The following RBMS3 variants were observed in gnomAD, a reference collection of about 807,000 sequenced individuals.
RBMS3 encodes RNA-binding motif, single-stranded-interacting protein 3.
In RBMS3, 27 loss-of-function variants were observed where a neutral mutation model predicts 66.8. That is an observed-to-expected ratio of 0.40 (90% CI 0.30 to 0.56). The LOEUF is 0.56. Among genes scored for constraint, RBMS3 ranks in the 20% least tolerant of loss-of-function variants. The pLI is 0.40. For synonymous variants in RBMS3, 188 were observed against 183.0 expected (o/e 1.03, Z -0.22); for missense variants, 513 against 549.5 (o/e 0.93, Z 0.66).
At chr3:29,366,086 CCA>C (rs2037885196) in intron 1 of RBMS3, among the ~76,000 whole-genome samples, 1 of 152,150 alleles carries the variant, frequency 6.6e-6, no homozygotes, top group South Asian at 2.1e-4. Context: ...TAAAAATATT[CCA>C]CACTGTTGTA....
chr3:29,899,248 C>T (rs1235838972), intron 9 of RBMS3, among the ~76,000 whole-genome samples: 4 of 151,712 alleles, frequency 2.6e-5, no homozygotes, highest in Non-Finnish European at 5.9e-5. Context: ...GCTCTTACCA[C>T]AACTTTTACC....
chr3:29,293,530 A>C (rs1447970489), intron 1 of RBMS3, among the ~76,000 whole-genome samples: 4 of 151,762 alleles, frequency 2.6e-5, no homozygotes, highest in Non-Finnish European at 5.9e-5. Context: ...TCTAGATTTC[A>C]ACATGGCCCA....
intron 6 of RBMS3, among the ~76,000 whole-genome samples, chr3:29,860,904 C>T (rs1382443899): frequency 6.6e-6 from 1 of 152,192 alleles, no homozygotes; most frequent in African/African-American, 2.4e-5. Flanking sequence ...GAGCCTCGCT[C>T]TGTTGCCCAG....
At chr3:29,300,065 A>G (rs2033566944) in intron 1 of RBMS3, among the ~76,000 whole-genome samples, 1 of 152,002 alleles carries the variant, frequency 6.6e-6, no homozygotes. Flanking sequence ...AGCACTCAAA[A>G]ATATATGTCA....
intron 11 of RBMS3, 126 bp from the exon 12 acceptor site, chr3:29,944,081 C>G (rs1012310917): frequency 2.7e-6 from 2 of 732,166 alleles, no homozygotes; most frequent in Non-Finnish European, 4.7e-6. Context: ...GCCTTTACTG[C>G]TCTAAGGCAG....
chr3:29,299,837 T>G (rs926113274), intron 1 of RBMS3, among the ~76,000 whole-genome samples: 1 of 151,856 alleles, frequency 6.6e-6, no homozygotes, highest in Non-Finnish European at 1.5e-5. Context: ...GAGGGACAAC[T>G]GTACTTACAA....
At chr3:29,694,895 C>T (rs1227766187) in intron 4 of RBMS3, among the ~76,000 whole-genome samples, 1 of 151,776 alleles carries the variant, frequency 6.6e-6, no homozygotes, top group East Asian at 1.9e-4. Flanking sequence ...GTTTTATATT[C>T]ATGTAACAAT....
intron 1 of RBMS3, among the ~76,000 whole-genome samples, chr3:29,400,962 CA>C (rs1280748286): frequency 3.3e-5 from 5 of 151,956 alleles, no homozygotes; most frequent in African/African-American, 1.2e-4. Flanking sequence ...TAATTCATTG[CA>C]AAGTTGGAAA....
At chr3:29,696,969 C>T (rs1461609332) in intron 4 of RBMS3, 19 of 823,860 alleles carry the variant, frequency 2.3e-5, no homozygotes, top group Non-Finnish European at 2.8e-5. Context: ...TTTGTAGGTA[C>T]CCCTAGTAGT....
rs372512591 is a variant in RBMS3 at position 29,665,124 on chromosome 3, C to T, written c.400-74596C>T. 9.9e-5 allele frequency among the ~76,000 whole-genome samples: 15 copies of T among 152,156 alleles called. No homozygotes were observed. In the South Asian group the frequency reaches 2.5e-3, roughly 25 times the overall value. ...TGCTAGTAACCAGAATTAAGCATAT[C>T]CAGTCTTTTAGAAACCAATTCTTAC... On this transcript the variant is annotated intron_variant, in intron 4 of 14. Transcript: ENST00000383767.
At chr3:29,807,400 G>A (rs1045250758) in intron 6 of RBMS3, among the ~76,000 whole-genome samples, 1 of 151,856 alleles carries the variant, frequency 6.6e-6, no homozygotes, top group Non-Finnish European at 1.5e-5. Flanking sequence ...CATCTTATTG[G>A]AAGACGATTT....
At chr3:29,510,950 T>G (rs1370951490) in intron 3 of RBMS3, among the ~76,000 whole-genome samples, 1 of 152,184 alleles carries the variant, frequency 6.6e-6, no homozygotes, top group East Asian at 1.9e-4. Flanking sequence ...TTCCTTTTGG[T>G]TAGTGATAAA....
At chr3:29,475,021 T>C (rs896455889) in intron 2 of RBMS3, among the ~76,000 whole-genome samples, 2 of 152,154 alleles carry the variant, frequency 1.3e-5, no homozygotes. Flanking sequence ...GGCTAAAGAA[T>C]TATTAAAACA....
chr3:29,311,978 C>A (rs1020198571), intron 1 of RBMS3, among the ~76,000 whole-genome samples: 1 of 151,814 alleles, frequency 6.6e-6, no homozygotes, highest in Non-Finnish European at 1.5e-5. Context: ...CCACAGTGTA[C>A]TTGTGCTGTG....
intron 1 of RBMS3, among the ~76,000 whole-genome samples, chr3:29,388,804 T>C (rs1028644375): frequency 6.6e-6 from 1 of 152,168 alleles, no homozygotes; most frequent in Non-Finnish European, 1.5e-5. Flanking sequence ...GACCTCGTGA[T>C]CCGCCCGCCT....
At chr3:29,373,726 G>T (rs554857211) in intron 1 of RBMS3, among the ~76,000 whole-genome samples, 3 of 152,288 alleles carry the variant, frequency 2.0e-5, no homozygotes, top group South Asian at 4.1e-4. Flanking sequence ...ATGCATTTTT[G>T]ATATTCTTCT....
chr3:29,658,315 T>G (rs2050397167), intron 4 of RBMS3, among the ~76,000 whole-genome samples: 1 of 152,090 alleles, frequency 6.6e-6, no homozygotes, highest in African/African-American at 2.4e-5. Context: ...TTCTCAAAAT[T>G]TTGTGGGCAT....
chr3:29,556,964 T>G (rs970339112), intron 3 of RBMS3, among the ~76,000 whole-genome samples: 1 of 152,130 alleles, frequency 6.6e-6, no homozygotes, highest in African/African-American at 2.4e-5. Context: ...CCCTGCAAAA[T>G]TAGGCCAAAA....
chr3:29,336,461 A>G (rs1273672554), intron 1 of RBMS3, among the ~76,000 whole-genome samples: 1 of 151,544 alleles, frequency 6.6e-6, no homozygotes, highest in African/African-American at 2.4e-5. Flanking sequence ...TTTTAGATGA[A>G]AAAAAAAACC....
Sources: allele counts gnomAD v4.1 joint callset (sites outside exome capture counted in the v4.1 genomes callset), GRCh38; gene constraint gnomAD v4.1.1; transcripts MANE v1.5; gene names NCBI Gene and HGNC (gene_info 2026-07-23, HGNC 2026-07-21).